The following HERC4 variants were observed in gnomAD, a reference collection of about 807,000 sequenced individuals.
HERC4 encodes probable E3 ubiquitin-protein ligase HERC4.
A neutral mutation model predicts 124.3 loss-of-function variants in HERC4; 28 were observed. The ratio of observed to expected loss-of-function variants is 0.23; its 90% CI spans 0.17 to 0.31. The LOEUF (loss-of-function observed/expected upper bound fraction) is 0.31, where lower values mean the gene tolerates loss of function less well. HERC4 is among the 10% of genes least tolerant of loss of function. The pLI, the probability that HERC4 is intolerant of heterozygous loss-of-function variation, is 1.00. For missense variants in HERC4, 713 were observed against 1,229.3 expected (o/e 0.58, Z 6.28); for synonymous variants, 407 against 421.5 (o/e 0.97, Z 0.42).
Position 67,921,993 on chromosome 10 carries a change from A to C in HERC4, c.*938T>G, listed in dbSNP as rs2030258866. 1 of 152,216 alleles carries C rather than the reference A, an allele frequency of 6.6e-6. No homozygotes were observed. Among genetic ancestry groups the C allele is most frequent in the Admixed American group, 6.5e-5 (1 of 15,288 alleles). The allele number at this position is 152,216 out of a possible 1,614,324, so 9.4% of individuals were successfully genotyped here. A position where few individuals can be genotyped will look rare whatever the true frequency, so the allele number is the denominator to read the frequency against. On this transcript the variant is annotated 3_prime_UTR_variant, in exon 25 of 25. Coordinates refer to ENST00000373700, the MANE Select transcript of HERC4 (RefSeq NM_015601.4). Reference sequence around the variant, plus strand: ...AAAATAAATATTTGCATTATAGCAGAAAGTCACATGTATTGCATCAACTCA... The same window carrying C: ...AAAATAAATATTTGCATTATAGCAGCAAGTCACATGTATTGCATCAACTCA...
chr10:67,928,127 G>C (rs1390889583), intron 23 of HERC4, among the ~76,000 whole-genome samples: 1 of 152,166 alleles, frequency 6.6e-6, no homozygotes, highest in African/African-American at 2.4e-5. Context: ...CCTAAGACTG[G>C]AGTGTGCCTG....
chr10:68,022,675 AAG>A (rs2038699467), intron 8 of HERC4, among the ~76,000 whole-genome samples: 1 of 152,098 alleles, frequency 6.6e-6, no homozygotes, highest in Non-Finnish European at 1.5e-5. Flanking sequence ...TAGCCAACAA[AAG>A]AAAAAATAAA....
intron 6 of HERC4, among the ~76,000 whole-genome samples, chr10:68,033,299 G>C (rs1180612378): frequency 1.3e-5 from 2 of 151,984 alleles, no homozygotes; most frequent in African/African-American, 4.8e-5. Flanking sequence ...TTTTTCTTAT[G>C]CAAAACAAGG....
At chr10:68,043,500 T>C (rs1466149279) in intron 4 of HERC4, among the ~76,000 whole-genome samples, 2 of 152,192 alleles carry the variant, frequency 1.3e-5, no homozygotes. Flanking sequence ...ATGTAATTCA[T>C]GCTGTTAGAG....
chr10:67,967,976 A>T (rs2034992584), intron 15 of HERC4, among the ~76,000 whole-genome samples: 1 of 152,168 alleles, frequency 6.6e-6, no homozygotes. Context: ...TAAATATGGC[A>T]GAATACTTTG....
At chr10:67,927,999 T>A (rs2031336909) in intron 23 of HERC4, among the ~76,000 whole-genome samples, 1 of 152,104 alleles carries the variant, frequency 6.6e-6, no homozygotes, top group Non-Finnish European at 1.5e-5. Flanking sequence ...CAATTTTAGA[T>A]CAGTTATCCA....
chr10:68,056,950 C>A (rs944393244), intron 3 of HERC4, among the ~76,000 whole-genome samples: 75 of 152,210 alleles, frequency 4.9e-4, no homozygotes, highest in African/African-American at 1.7e-3. Context: ...AAGGTCTGAA[C>A]CCAAGTAAGT....
At chr10:68,074,001 C>A (rs1207981425) in intron 1 of HERC4, 1 of 152,150 alleles carries the variant, frequency 6.6e-6, no homozygotes, top group Non-Finnish European at 1.5e-5. Flanking sequence ...CGTGGGCAAT[C>A]TATATCTATC....
At chr10:68,025,052 T>C (rs970813612) in intron 8 of HERC4, among the ~76,000 whole-genome samples, 8 of 152,162 alleles carry the variant, frequency 5.3e-5, no homozygotes, top group Admixed American at 3.9e-4. Context: ...TGAGACCTTG[T>C]TGCTACTAAA....
chr10:67,947,269 T>G (rs1328943494), intron 19 of HERC4, among the ~76,000 whole-genome samples: 1 of 152,104 alleles, frequency 6.6e-6, no homozygotes, highest in Non-Finnish European at 1.5e-5. Flanking sequence ...AAGACAGAAA[T>G]AGGTGGAAAA....
At chr10:67,935,583 C>T (rs1000694157) in intron 22 of HERC4, among the ~76,000 whole-genome samples, 1 of 152,160 alleles carries the variant, frequency 6.6e-6, no homozygotes, top group African/African-American at 2.4e-5. Context: ...GTGGCAGTGT[C>T]CAGGTGTCCT....
intron 16 of HERC4, among the ~76,000 whole-genome samples, chr10:67,961,661 G>A (rs2034530200): frequency 6.6e-6 from 1 of 152,174 alleles, no homozygotes; most frequent in Non-Finnish European, 1.5e-5. Context: ...AGTGAGGGCA[G>A]TCTTGTGTAA....
At chr10:68,018,322 CTT>C (rs553338621) in intron 8 of HERC4, among the ~76,000 whole-genome samples, 10 of 151,250 alleles carry the variant, frequency 6.6e-5, no homozygotes, top group South Asian at 2.1e-4. Flanking sequence ...ACATTAAAAA[CTT>C]AACATCCATT....
chr10:67,958,369 AC>A (rs2034279334), intron 16 of HERC4, among the ~76,000 whole-genome samples: 2 of 150,284 alleles, frequency 1.3e-5, no homozygotes, highest in Non-Finnish European at 3.0e-5. Flanking sequence ...TCTCCAAAGC[AC>A]CCTTTGGCTT....
chr10:68,008,207 A>C (rs1259548734), intron 9 of HERC4, among the ~76,000 whole-genome samples: 1 of 152,114 alleles, frequency 6.6e-6, no homozygotes, highest in Non-Finnish European at 1.5e-5. Flanking sequence ...GAGGTGATGC[A>C]AGCACTCCCA....
intron 3 of HERC4, among the ~76,000 whole-genome samples, chr10:68,063,738 G>T (rs1003743247): frequency 6.6e-6 from 1 of 152,116 alleles, no homozygotes; most frequent in Non-Finnish European, 1.5e-5. Flanking sequence ...AGGAGTTTGA[G>T]ACCAGCCTGG....
In HERC4 at chr10:67,984,913, T is replaced by C. The variant is rs199839107; in HGVS notation, c.1806+3750A>G. Among the ~76,000 whole-genome samples, 21 of 151,944 alleles carry C rather than the reference T, an allele frequency of 1.4e-4. No individual in the cohort carries two copies. The East Asian group carries it at 2.7e-3, about 20-fold the overall frequency. On this transcript the variant is annotated intron_variant, in intron 15 of 24. Transcript: ENST00000373700. ...CAAACCTAGTATTTCATAGCACATC[T>C]CATGTACCCCATAAAGATATACCTA...
At chr10:67,978,824 T>C (rs968874186) in intron 15 of HERC4, among the ~76,000 whole-genome samples, 3 of 152,190 alleles carry the variant, frequency 2.0e-5, no homozygotes, top group Admixed American at 6.5e-5. Flanking sequence ...AACAAGAGTC[T>C]CTGCCTGGTA....
At chr10:67,930,136 G>A (rs2031630525) in intron 23 of HERC4, among the ~76,000 whole-genome samples, 1 of 152,090 alleles carries the variant, frequency 6.6e-6, no homozygotes, top group Non-Finnish European at 1.5e-5. Flanking sequence ...ACACTTAGTA[G>A]TTATTCTGCT....
Sources: allele counts gnomAD v4.1 joint callset (sites outside exome capture counted in the v4.1 genomes callset), GRCh38; gene constraint gnomAD v4.1.1; transcripts MANE v1.5; gene names NCBI Gene and HGNC (gene_info 2026-07-23, HGNC 2026-07-21).